LMBR1: variants seen among roughly 807,000 people sequenced by gnomAD.
LMBR1 encodes the protein limb region 1 protein homolog.
In LMBR1, 52 loss-of-function variants were observed where a neutral mutation model predicts 73.9. The ratio of observed to expected loss-of-function variants is 0.70; its 90% CI spans 0.56 to 0.89. The LOEUF is 0.89. LMBR1 is among the 40% of genes least tolerant of loss of function. The pLI is 0.00. For missense variants in LMBR1, 539 were observed against 579.8 expected, an observed-to-expected ratio of 0.93 and a Z score of 0.72; for synonymous variants, 215 against 209.4, an observed-to-expected ratio of 1.03 and a Z score of -0.23.
In LMBR1 at chr7:156,792,915, G is replaced by GA. The variant is rs76982808; in HGVS notation, c.423+3473dup. Among the ~76,000 whole-genome samples the GA allele has an allele frequency of 4.7e-3, 595 of 127,458 alleles. 3 individuals carry two copies. Among genetic ancestry groups the GA allele is most frequent in the African/African-American group, 0.011 (365 of 33,466 alleles). The allele number at this position is 127,458 out of a possible 152,430, so 83.6% of individuals were successfully genotyped here. A position where few individuals can be genotyped will look rare whatever the true frequency, so the allele number is the denominator to read the frequency against. ...AACAGCACCAGGAGGGTGGCCACAG[G>GA]AAAAAAAAAAAAAAAGGAAATTTTA... On this transcript the variant is annotated intron_variant, in intron 5 of 16. Coordinates refer to ENST00000353442, the MANE Select transcript of LMBR1 (RefSeq NM_022458.4).
At chr7:156,840,810 A>C (rs1460675202) in intron 1 of LMBR1, among the ~76,000 whole-genome samples, 3 of 151,310 alleles carry the variant, frequency 2.0e-5, no homozygotes, top group Non-Finnish European at 4.4e-5. Flanking sequence ...ATACAAAAAA[A>C]AAAAATTAGC....
intron 5 of LMBR1, among the ~76,000 whole-genome samples, chr7:156,778,503 G>A (rs1247308313): frequency 6.6e-6 from 1 of 152,146 alleles, no homozygotes; most frequent in East Asian, 1.9e-4. Flanking sequence ...TACCACATGC[G>A]TGAGCTTTAC....
intron 4 of LMBR1, among the ~76,000 whole-genome samples, chr7:156,821,557 G>A (rs1384357748): frequency 6.6e-6 from 1 of 152,208 alleles, no homozygotes; most frequent in Non-Finnish European, 1.5e-5. Context: ...CATGGCCAAT[G>A]GTTTGGCCAG....
chr7:156,782,869 C>T (rs1026733268), intron 5 of LMBR1, among the ~76,000 whole-genome samples: 5 of 152,104 alleles, frequency 3.3e-5, no homozygotes, highest in Non-Finnish European at 4.4e-5. Flanking sequence ...ATCTGCATTT[C>T]CCTAGTGATT....
chr7:156,679,778 G>A lies in LMBR1; in HGVS notation c.*4300C>T, dbSNP rs888491511. On this transcript the variant is annotated 3_prime_UTR_variant, in exon 17 of 17. Transcript: ENST00000353442. ...GGCCGCCCTGCTGTTCATAATCCAG[G>A]CTCATAAACTTGACTTCTGTACCAC... 2.0e-5 allele frequency: 3 copies of A among 152,098 alleles called. No individual in the cohort carries two copies. The highest frequency in any genetic ancestry group is 7.2e-5 in the African/African-American group (3 of 41,402). 9.4% of individuals were successfully genotyped at this position (152,098 alleles called of 1,614,324 possible). A position where few individuals can be genotyped will look rare whatever the true frequency, so the allele number is the denominator to read the frequency against.
intron 5 of LMBR1, among the ~76,000 whole-genome samples, chr7:156,779,087 T>C (rs1398857732): frequency 6.6e-6 from 1 of 152,192 alleles, no homozygotes; most frequent in Non-Finnish European, 1.5e-5. Flanking sequence ...GTCTCCTGAA[T>C]ACAAGATCAC....
At chr7:156,885,448 G>T (rs1031071226) in intron 1 of LMBR1, among the ~76,000 whole-genome samples, 3 of 151,736 alleles carry the variant, frequency 2.0e-5, no homozygotes, top group African/African-American at 7.3e-5. Context: ...GGATAAGGAA[G>T]AATTTAGATT....
chr7:156,796,293 C>T (rs1004820806), intron 5 of LMBR1, 96 bp downstream of exon 5: 3 of 742,268 alleles, frequency 4.0e-6, no homozygotes, highest in Non-Finnish European at 6.6e-6. Context: ...TTTTTATATT[C>T]CATTTAAATA....
intron 1 of LMBR1, among the ~76,000 whole-genome samples, chr7:156,861,109 C>T (rs1465676566): frequency 6.6e-6 from 1 of 152,240 alleles, no homozygotes; most frequent in Non-Finnish European, 1.5e-5. Flanking sequence ...CTGCACTGCC[C>T]TAGCGGAGGT....
In LMBR1 at chr7:156,693,618, T is replaced by C. The variant is rs1173205396; in HGVS notation, c.1226-5427A>G. Among the ~76,000 whole-genome samples, 3 of 152,036 alleles carry C rather than the reference T, an allele frequency of 2.0e-5. No individual in the cohort carries two copies. In the East Asian group the frequency reaches 5.8e-4, roughly 29 times the overall value. On this transcript the variant is annotated intron_variant, in intron 15 of 16. Coordinates refer to ENST00000353442, the MANE Select transcript of LMBR1 (RefSeq NM_022458.4). The stretch of plus-strand genomic sequence containing the variant: ...GAAGAAATAGAAAACCTGAGCAAAC[T>C]AATAAACAAGAAGATTGAATCACTA...
At chr7:156,833,444 T>C in intron 3 of LMBR1, 1 of 309,220 alleles carries the variant, frequency 3.2e-6, no homozygotes, top group Non-Finnish European at 5.9e-6. Flanking sequence ...AGCATCATAG[T>C]CTTCTCAGCA....
At chr7:156,846,274 T>C (rs1795468537) in intron 1 of LMBR1, among the ~76,000 whole-genome samples, 2 of 151,970 alleles carry the variant, frequency 1.3e-5, no homozygotes, top group Admixed American at 6.6e-5. Flanking sequence ...AGAAACCCTG[T>C]CTTTTAAAAA....
chr7:156,735,275 G>A (rs1017610287), intron 9 of LMBR1, among the ~76,000 whole-genome samples: 47 of 152,042 alleles, frequency 3.1e-4, no homozygotes, highest in African/African-American at 1.0e-3. Flanking sequence ...TTCCAGTATC[G>A]TCTTCAGCAC....
chr7:156,813,251 T>C (rs1180173572), intron 4 of LMBR1, among the ~76,000 whole-genome samples: 1 of 152,182 alleles, frequency 6.6e-6, no homozygotes, highest in Non-Finnish European at 1.5e-5. Context: ...CGTCTGAGCC[T>C]TAGTCCTCAA....
chr7:156,775,995 T>C (rs1297606874), intron 5 of LMBR1, among the ~76,000 whole-genome samples: 1 of 151,286 alleles, frequency 6.6e-6, no homozygotes, highest in Non-Finnish European at 1.5e-5. Context: ...AGGATATGAA[T>C]AGCACCCCTA....
intron 1 of LMBR1, among the ~76,000 whole-genome samples, chr7:156,881,793 T>C (rs1013488789): frequency 3.3e-5 from 5 of 150,906 alleles, no homozygotes; most frequent in Admixed American, 3.3e-4. Flanking sequence ...TCACACCTGT[T>C]AGGATGGCTA....
chr7:156,783,296 C>G (rs779925142), intron 5 of LMBR1, among the ~76,000 whole-genome samples: 1 of 151,998 alleles, frequency 6.6e-6, no homozygotes, highest in Non-Finnish European at 1.5e-5. Flanking sequence ...CTTTGCCTCC[C>G]GAGAAGCTGG....
intron 9 of LMBR1, among the ~76,000 whole-genome samples, chr7:156,749,720 C>T (rs920992541): frequency 6.6e-6 from 1 of 152,052 alleles, no homozygotes; most frequent in Non-Finnish European, 1.5e-5. Flanking sequence ...GATGGAGTCT[C>T]GCTCTGTTGC....
At chr7:156,742,429 A>G (rs1036099649) in intron 9 of LMBR1, among the ~76,000 whole-genome samples, 1 of 152,164 alleles carries the variant, frequency 6.6e-6, no homozygotes, top group Admixed American at 6.5e-5. Flanking sequence ...AAAAGAAGAC[A>G]TTACAACTGA....
Sources: gnomAD v4.1 joint callset for allele counts (sites outside exome capture counted in the v4.1 genomes callset) on GRCh38, gnomAD v4.1.1 for gene constraint, MANE v1.5 for transcripts, NCBI Gene and HGNC (gene_info 2026-07-23, HGNC 2026-07-21) for gene names.